Variants in SGMS1 observed in about 807,000 individuals in gnomAD.
SGMS1 encodes phosphatidylcholine:ceramide cholinephosphotransferase 1.
Under a neutral mutation model 46.2 loss-of-function variants are expected in SGMS1, and 13 were observed. The ratio of observed to expected loss-of-function variants is 0.28; its 90% CI spans 0.18 to 0.45. The LOEUF (loss-of-function observed/expected upper bound fraction) is 0.45, where lower values mean the gene tolerates loss of function less well. Among genes scored for constraint, SGMS1 ranks in the 20% least tolerant of loss-of-function variants. The pLI is 1.00. For missense variants in SGMS1, 324 were observed against 519.9 expected (o/e 0.62, Z 3.66); for synonymous variants, 203 against 187.8 (o/e 1.08, Z -0.66).
intron 5 of SGMS1, among the ~76,000 whole-genome samples, chr10:50,444,685 G>A (rs1218774916): frequency 1.3e-5 from 2 of 151,202 alleles, no homozygotes; most frequent in African/African-American, 4.9e-5. Context: ...GAGCCCAGGA[G>A]TTCATATCCA....
chr10:50,599,747 C>T (rs1021235772), intron 1 of SGMS1, among the ~76,000 whole-genome samples: 2 of 152,028 alleles, frequency 1.3e-5, no homozygotes, highest in Admixed American at 1.3e-4. Context: ...CCTAAAATCC[C>T]AGCTACTCAA....
At chr10:50,555,422 G>T (rs1334438140) in intron 2 of SGMS1, among the ~76,000 whole-genome samples, 2 of 152,138 alleles carry the variant, frequency 1.3e-5, no homozygotes, top group African/African-American at 4.8e-5. Flanking sequence ...AACAGGGCAG[G>T]ACCTGGCTCA....
At chr10:50,336,890 G>T (rs1218028810) in intron 7 of SGMS1, among the ~76,000 whole-genome samples, 1 of 152,176 alleles carries the variant, frequency 6.6e-6, no homozygotes, top group African/African-American at 2.4e-5. Context: ...TCTAAAATCA[G>T]TTAGTTTGGA....
rs559046951 is a variant in SGMS1 at position 50,359,755 on chromosome 10, A to C, written c.-231-15410T>G. On this transcript the variant is annotated intron_variant, in intron 6 of 10. Transcript: ENST00000361781. ...TTGATTAAATATATTGTACAACAGA[A>C]TACCAAGCCTCTGCCACAGACTGTA... 2.0e-4 allele frequency among the ~76,000 whole-genome samples: 30 copies of C among 152,248 alleles called. No individual in the cohort carries two copies. In the East Asian group the frequency reaches 5.0e-3, roughly 25 times the overall value.
At chr10:50,450,716 A>G (rs1000116576) in intron 5 of SGMS1, among the ~76,000 whole-genome samples, 3 of 152,036 alleles carry the variant, frequency 2.0e-5, no homozygotes, top group Non-Finnish European at 4.4e-5. Flanking sequence ...CCAAGATTAA[A>G]AAACCCAGTA....
At chr10:50,558,571 C>T (rs1021156056) in intron 2 of SGMS1, among the ~76,000 whole-genome samples, 3 of 152,140 alleles carry the variant, frequency 2.0e-5, no homozygotes, top group Non-Finnish European at 2.9e-5. Flanking sequence ...AATTCCAAGG[C>T]CTGGAACCAA....
At chr10:50,502,910 A>T (rs1307918443) in intron 3 of SGMS1, among the ~76,000 whole-genome samples, 2 of 152,240 alleles carry the variant, frequency 1.3e-5, no homozygotes, top group Non-Finnish European at 2.9e-5. Flanking sequence ...CTCTCCCATG[A>T]TGCAAACAGA....
chr10:50,523,612 T>C (rs1200399122), intron 2 of SGMS1, among the ~76,000 whole-genome samples: 1 of 152,236 alleles, frequency 6.6e-6, no homozygotes, highest in Non-Finnish European at 1.5e-5. Context: ...CTTCTTAATT[T>C]CTCTTGTTTA....
At chr10:50,355,922 C>T (rs1044939757) in intron 6 of SGMS1, among the ~76,000 whole-genome samples, 12 of 151,952 alleles carry the variant, frequency 7.9e-5, no homozygotes, top group East Asian at 7.8e-4. Context: ...TTTGCCCCGC[C>T]GCCACCCTGT....
At chr10:50,449,423 A>G (rs935687167) in intron 5 of SGMS1, among the ~76,000 whole-genome samples, 2 of 152,206 alleles carry the variant, frequency 1.3e-5, no homozygotes. Context: ...CAAGAGGTCC[A>G]GTGCTTATGA....
chr10:50,500,181 C>A (rs915974539), intron 3 of SGMS1, among the ~76,000 whole-genome samples: 5 of 152,040 alleles, frequency 3.3e-5, no homozygotes, highest in African/African-American at 4.8e-5. Context: ...AACAAACTAA[C>A]AAACAAACAA....
At chr10:50,587,064 T>TAC (rs913581312) in intron 2 of SGMS1, among the ~76,000 whole-genome samples, 1 of 152,090 alleles carries the variant, frequency 6.6e-6, no homozygotes, top group Admixed American at 6.5e-5. Context: ...CATTATATAT[T>TAC]ACACACACAC....
chr10:50,580,089 G>A (rs1838419228), intron 2 of SGMS1, among the ~76,000 whole-genome samples: 1 of 152,166 alleles, frequency 6.6e-6, no homozygotes, highest in African/African-American at 2.4e-5. Flanking sequence ...CAATTTGTGT[G>A]TGTGCAGAAA....
At chr10:50,588,317 C>G (rs1439380820) in intron 2 of SGMS1, among the ~76,000 whole-genome samples, 1 of 152,188 alleles carries the variant, frequency 6.6e-6, no homozygotes, top group Non-Finnish European at 1.5e-5. Context: ...AAATAGGCAA[C>G]CTTATAGACA....
In SGMS1 at chr10:50,382,660, C is replaced by T. The variant is rs553657004; in HGVS notation, c.-231-38315G>A. Among the ~76,000 whole-genome samples the T allele has an allele frequency of 2.0e-5, 3 of 150,858 alleles. No homozygotes were observed. The South Asian group carries it at 6.3e-4, about 32-fold the overall frequency. On this transcript the variant is annotated intron_variant, in intron 6 of 10. Transcript: ENST00000361781. Reference sequence around the variant, plus strand: ...ACAAACATTCATCCTCTATTATAAACAGCAATGGAGAGGAGGGACCCAGCG... The same window carrying T: ...ACAAACATTCATCCTCTATTATAAATAGCAATGGAGAGGAGGGACCCAGCG...
chr10:50,375,912 G>A (rs2255387), intron 6 of SGMS1, among the ~76,000 whole-genome samples: 48,618 of 151,910 alleles, frequency 0.32, 8,246 homozygotes, highest in South Asian at 0.4. Flanking sequence ...GTCCAGGCTA[G>A]ACTCAAACTC....
At chr10:50,498,224 C>T (rs900612581) in intron 3 of SGMS1, among the ~76,000 whole-genome samples, 1 of 152,162 alleles carries the variant, frequency 6.6e-6, no homozygotes, top group African/African-American at 2.4e-5. Context: ...AAGATGTGAT[C>T]GGATAAAATC....
chr10:50,347,621 G>C (rs1368440873), intron 6 of SGMS1, among the ~76,000 whole-genome samples: 1 of 152,114 alleles, frequency 6.6e-6, no homozygotes, highest in Non-Finnish European at 1.5e-5. Context: ...TCTTGAAATG[G>C]GTATGAGAAC....
At chr10:50,534,234 G>T (rs565427457) in intron 2 of SGMS1, among the ~76,000 whole-genome samples, 1 of 152,048 alleles carries the variant, frequency 6.6e-6, no homozygotes, top group African/African-American at 2.4e-5. Flanking sequence ...AGTCAAAGAG[G>T]GCTCTGTATA....
Sources: allele counts gnomAD v4.1 joint callset (sites outside exome capture counted in the v4.1 genomes callset), GRCh38; gene constraint gnomAD v4.1.1; transcripts MANE v1.5; gene names NCBI Gene and HGNC (gene_info 2026-07-23, HGNC 2026-07-21).